KIF15: variants seen among roughly 807,000 people sequenced by gnomAD.
KIF15 encodes the protein kinesin family member 15, also known as kinesin-like protein KIF15.
A neutral mutation model predicts 190.6 loss-of-function variants in KIF15; 140 were observed. That is an observed-to-expected ratio of 0.73 (90% CI 0.64 to 0.84). The LOEUF is 0.84. KIF15 is among the 40% of genes least tolerant of loss of function. The pLI is 0.00. For synonymous variants in KIF15, 528 were observed against 551.3 expected, an observed-to-expected ratio of 0.96 and a Z score of 0.59; for missense variants, 1,372 against 1,584.4, an observed-to-expected ratio of 0.87 and a Z score of 2.28.
At chr3:44,862,150 C>T in intron 6 of KIF15, 1 of 93,420 alleles carries the variant, frequency 1.1e-5, no homozygotes, top group Non-Finnish European at 2.0e-5. Context: ...GCTGCTGCTG[C>T]GGGCGGGCGG....
intron 8 of KIF15, among the ~76,000 whole-genome samples, chr3:44,796,452 G>A (rs149525322): frequency 1.1e-4 from 17 of 152,294 alleles, no homozygotes; most frequent in Non-Finnish European, 2.1e-4. Flanking sequence ...ACAACTCTGG[G>A]AAGTAGGTGC....
intron 11 of KIF15, 24 bp from the exon 12 acceptor site, chr3:44,801,426 C>A (rs1407051060): frequency 1.5e-6 from 2 of 1,372,286 alleles, no homozygotes; most frequent in Non-Finnish European, 2.0e-6. Flanking sequence ...TTTCATCTTC[C>A]CTTTCTTATT....
chr3:44,765,116 A>C (rs1705323018), intron 1 of KIF15, among the ~76,000 whole-genome samples: 1 of 152,272 alleles, frequency 6.6e-6, no homozygotes. Flanking sequence ...TCAATTAGAA[A>C]TAATGCCAGA....
At chr3:44,793,016 C>T (rs1475070228) in intron 7 of KIF15, among the ~76,000 whole-genome samples, 1 of 152,212 alleles carries the variant, frequency 6.6e-6, no homozygotes, top group Non-Finnish European at 1.5e-5. Flanking sequence ...AGAACATCAG[C>T]ATCACCTGAG....
At chr3:44,787,841 C>A (rs1706485015) in intron 7 of KIF15, among the ~76,000 whole-genome samples, 1 of 151,866 alleles carries the variant, frequency 6.6e-6, no homozygotes, top group South Asian at 2.1e-4. Context: ...TTCTTATTTT[C>A]ATTTTTATTT....
chr3:44,773,951 C>G (rs1705751314), intron 1 of KIF15, among the ~76,000 whole-genome samples: 1 of 152,148 alleles, frequency 6.6e-6, no homozygotes, highest in Non-Finnish European at 1.5e-5. Flanking sequence ...AGATTGAATA[C>G]CAGGCCACAA....
intron 33 of KIF15, 102 bp from the exon 34 acceptor site, chr3:44,852,106 T>C: frequency 1.4e-6 from 2 of 1,464,492 alleles, no homozygotes; most frequent in Non-Finnish European, 1.8e-6. Context: ...GATTCTGGAC[T>C]CTCTGACTTC....
chr3:44,807,247 G>A (rs1397665764), intron 16 of KIF15, among the ~76,000 whole-genome samples: 1 of 150,106 alleles, frequency 6.7e-6, no homozygotes, highest in African/African-American at 2.5e-5. Flanking sequence ...TTTTTGAGAC[G>A]GAGTTTTGCT....
At chr3:44,763,580 A>G (rs945759267) in intron 1 of KIF15, among the ~76,000 whole-genome samples, 19 of 151,366 alleles carry the variant, frequency 1.3e-4, no homozygotes, top group East Asian at 4.0e-4. Flanking sequence ...GATTACAGGC[A>G]TGAGCCACCA....
chr3:44,847,478 A>G (rs538266016), intron 30 of KIF15, among the ~76,000 whole-genome samples: 17 of 152,256 alleles, frequency 1.1e-4, no homozygotes, highest in African/African-American at 3.6e-4. Context: ...CCTGGTGTCC[A>G]CATACACGGA....
At chr3:44,825,958 T>A in intron 20 of KIF15, 81 bp from the exon 21 acceptor site, 4 of 1,269,678 alleles carry the variant, frequency 3.2e-6, no homozygotes, top group Non-Finnish European at 4.4e-6. Context: ...GTAGATGAGA[T>A]AAATTGAACT....
chr3:44,836,597 G>A (rs974118636), intron 26 of KIF15, among the ~76,000 whole-genome samples: 14 of 152,086 alleles, frequency 9.2e-5, no homozygotes, highest in African/African-American at 3.1e-4. Flanking sequence ...CACAGCTGGT[G>A]GAAAATGGAC....
In KIF15 at chr3:44,775,376, A is replaced by T. The variant is rs758987464; in HGVS notation, c.185A>T (p.His62Leu). ...SVLSSTSLRL[H>L]SNPEPKTFTF... is the part of the protein sequence containing the mutation. ...CTGTCCTCCACGAGTCTCCGGCTGC[A>T]CTCCAACCCTGAGCCCAAGACCTTC... The change falls in exon 3 of 35, where the codon CAC becomes CTC. Residue 62 changes from histidine (H) to leucine (L), a missense_variant. Physicochemically the swap from His to Leu is moderately conservative, Grantham distance 99. Coordinates refer to ENST00000326047, the MANE Select transcript of KIF15 (RefSeq NM_020242.3). 1 of 1,613,684 alleles carries T rather than the reference A, an allele frequency of 6.2e-7. No individual in the cohort carries two copies. The highest frequency in any genetic ancestry group is 1.7e-5 in the Admixed American group (1 of 59,962).
intron 7 of KIF15, among the ~76,000 whole-genome samples, chr3:44,787,943 C>G (rs564974533): frequency 5.3e-4 from 80 of 152,232 alleles, no homozygotes; most frequent in African/African-American, 1.8e-3. Flanking sequence ...CAACCTCCGC[C>G]TCCTAGGTTC....
At chr3:44,835,423 G>C (rs1338724962) in intron 26 of KIF15, among the ~76,000 whole-genome samples, 1 of 151,812 alleles carries the variant, frequency 6.6e-6, no homozygotes, top group Non-Finnish European at 1.5e-5. Context: ...GTATTTTTTT[G>C]TAGAGATGAG....
intron 1 of KIF15, among the ~76,000 whole-genome samples, chr3:44,770,440 T>C (rs571422319): frequency 1.8e-4 from 27 of 152,312 alleles, no homozygotes; most frequent in African/African-American, 6.3e-4. Flanking sequence ...TCCTCTCTTC[T>C]TGAGGTCCCA....
At chr3:44,802,560 G>C (rs960666107) in intron 13 of KIF15, among the ~76,000 whole-genome samples, 1 of 152,132 alleles carries the variant, frequency 6.6e-6, no homozygotes, top group Non-Finnish European at 1.5e-5. Context: ...CTGCCACAAT[G>C]TACACCCTTG....
chr3:44,844,644 A>G (rs1698762905), intron 30 of KIF15, among the ~76,000 whole-genome samples: 1 of 152,184 alleles, frequency 6.6e-6, no homozygotes, highest in Non-Finnish European at 1.5e-5. Context: ...TCCCACTACC[A>G]ACATATCTAA....
At chr3:44,776,053 C>G (rs1159729241) in intron 3 of KIF15, among the ~76,000 whole-genome samples, 1 of 149,040 alleles carries the variant, frequency 6.7e-6, no homozygotes, top group Non-Finnish European at 1.5e-5. Context: ...GCACTCCAGA[C>G]TGGGCAACAG....
Sources: allele counts gnomAD v4.1 joint callset (sites outside exome capture counted in the v4.1 genomes callset), GRCh38; gene constraint gnomAD v4.1.1; transcripts MANE v1.5; gene names NCBI Gene and HGNC (gene_info 2026-07-23, HGNC 2026-07-21).